The following POLD3 variants were observed in gnomAD, a reference collection of about 807,000 sequenced individuals.
POLD3 encodes DNA polymerase delta 3, accessory subunit.
In POLD3, 19 loss-of-function variants were observed where a neutral mutation model predicts 58.2. That is an observed-to-expected ratio of 0.33 (90% CI 0.23 to 0.48). POLD3 has a LOEUF of 0.48. Among genes scored for constraint, POLD3 ranks in the 20% least tolerant of loss-of-function variants. The pLI, the probability that POLD3 is intolerant of heterozygous loss-of-function variation, is 0.99. For synonymous variants in POLD3, 172 were observed against 193.5 expected, an observed-to-expected ratio of 0.89 and a Z score of 0.92; for missense variants, 504 against 545.5, an observed-to-expected ratio of 0.92 and a Z score of 0.76.
chr11:74,618,032 T>C (rs2032133634), intron 5 of POLD3, among the ~76,000 whole-genome samples: 1 of 152,234 alleles, frequency 6.6e-6, no homozygotes, highest in Admixed American at 6.5e-5. Flanking sequence ...CAGCATGATT[T>C]ACTCTGGCCA....
chr11:74,593,079 C>T, intron 1 of POLD3: 2 of 1,051,246 alleles, frequency 1.9e-6, no homozygotes, highest in Non-Finnish European at 2.3e-6. Context: ...TTGAGGAAAT[C>T]GTGTCTTAAC....
chr11:74,657,476 AT>A (rs1318920597), intron 4 of POLD3, among the ~76,000 whole-genome samples: 5 of 150,718 alleles, frequency 3.3e-5, no homozygotes, highest in African/African-American at 1.2e-4. Context: ...ATACTATCTT[AT>A]GACTCATTAT....
At chr11:74,652,407 A>G (rs1466241724) in intron 4 of POLD3, among the ~76,000 whole-genome samples, 1 of 152,246 alleles carries the variant, frequency 6.6e-6, no homozygotes, top group Non-Finnish European at 1.5e-5. Flanking sequence ...GTTGCGTATC[A>G]TCATCAGTAT....
chr11:74,631,564 A>T (rs1223955435), intron 9 of POLD3, among the ~76,000 whole-genome samples: 1 of 143,822 alleles, frequency 7.0e-6, no homozygotes. Flanking sequence ...GGCTCACTGC[A>T]ACCTCCGTCT....
At chr11:74,656,593 A>C (rs1246479252) in intron 4 of POLD3, among the ~76,000 whole-genome samples, 1 of 152,038 alleles carries the variant, frequency 6.6e-6, no homozygotes, top group Non-Finnish European at 1.5e-5. Context: ...TCTCAAAAAA[A>C]AAAATTCTTC....
intron 2 of POLD3, chr11:74,604,473 C>T (rs546876610): frequency 2.0e-6 from 1 of 490,974 alleles, no homozygotes; most frequent in South Asian, 2.6e-5. Context: ...ATGTACTGAT[C>T]ACTGTGCCAG....
At chr11:74,627,655 T>A (rs539024489) in intron 8 of POLD3, among the ~76,000 whole-genome samples, 6 of 152,152 alleles carry the variant, frequency 3.9e-5, no homozygotes, top group Non-Finnish European at 8.8e-5. Flanking sequence ...CCATTTTTAA[T>A]CTTTTTTATA....
intron 5 of POLD3, among the ~76,000 whole-genome samples, chr11:74,617,785 C>T (rs1401030938): frequency 6.6e-6 from 1 of 152,196 alleles, no homozygotes; most frequent in Non-Finnish European, 1.5e-5. Context: ...GTGATGAGCT[C>T]ATGGCTCACT....
chr11:74,651,954 T>C (rs970370390), intron 4 of POLD3, among the ~76,000 whole-genome samples: 4 of 152,150 alleles, frequency 2.6e-5, no homozygotes, highest in African/African-American at 7.2e-5. Flanking sequence ...CAGAGGTAGA[T>C]AGAGCAGATA....
intron 3 of POLD3, among the ~76,000 whole-genome samples, chr11:74,606,114 A>T (rs897830520): frequency 1.3e-5 from 2 of 152,208 alleles, no homozygotes; most frequent in Admixed American, 6.5e-5. Context: ...AGGAGCAACA[A>T]AACTGCTAGA....
At chr11:74,612,773 C>A in intron 4 of POLD3, 105 bp from the exon 5 acceptor site, 4 of 952,196 alleles carry the variant, frequency 4.2e-6, no homozygotes, top group Non-Finnish European at 6.2e-6. Context: ...GTTTTTTGGA[C>A]CACCACAGAT....
chr11:74,609,672 C>T (rs1248897402), intron 3 of POLD3, among the ~76,000 whole-genome samples: 2 of 151,960 alleles, frequency 1.3e-5, no homozygotes, highest in East Asian at 1.9e-4. Context: ...TGAGCCACTG[C>T]GCCTGGCCTG....
downstream of POLD3, among the ~76,000 whole-genome samples, chr11:74,647,925 T>A (rs1297797682): frequency 2.0e-5 from 3 of 152,126 alleles, no homozygotes; most frequent in African/African-American, 7.2e-5. Flanking sequence ...GGGCTCAAAT[T>A]TTTGCTAGAT....
intron 5 of POLD3, 79 bp from the exon 6 acceptor site, chr11:74,618,458 G>T (rs1391811775): frequency 2.1e-5 from 19 of 920,264 alleles, no homozygotes; most frequent in Non-Finnish European, 2.6e-5. Context: ...ACTGACATTA[G>T]TTTTTTTTTT....
At chr11:74,597,291 A>G (rs1338187118) in intron 2 of POLD3, among the ~76,000 whole-genome samples, 1 of 152,174 alleles carries the variant, frequency 6.6e-6, no homozygotes, top group Non-Finnish European at 1.5e-5. Context: ...CTGACATAAT[A>G]TCTAAGAAGG....
chr11:74,665,561 C>T (rs564869885), intron 4 of POLD3, among the ~76,000 whole-genome samples: 51 of 151,936 alleles, frequency 3.4e-4, no homozygotes, highest in Admixed American at 2.9e-3. Flanking sequence ...CTACCACACC[C>T]GGCTAATTTT....
intron 7 of POLD3, among the ~76,000 whole-genome samples, chr11:74,623,299 T>G (rs11236175): frequency 0.4 from 59,838 of 151,484 alleles, 12,777 homozygotes; most frequent in African/African-American, 0.56. Context: ...GCTGGGCCTG[T>G]TGGTGGGCGC....
rs981964421 is a variant in POLD3, at chr11:74,629,452, C to T, written c.1006+129C>T. On this transcript the variant is annotated intron_variant, in intron 9 of 11. Coordinates refer to ENST00000263681, the MANE Select transcript of POLD3 (RefSeq NM_006591.3). The stretch of plus-strand genomic sequence containing the variant: ...CTAGCATTAAGAGACACCATAGCAC[C>T]TCTTTCTGTTTGAAATCTGCATTAG... 17 of 533,024 alleles carry T rather than the reference C, an allele frequency of 3.2e-5. No individual in the cohort carries two copies. In the African/African-American group the frequency reaches 3.4e-4, roughly 11 times the overall value. The allele number at this position is 533,024 out of a possible 1,614,324, so 33.0% of individuals were successfully genotyped here.
intron 1 of POLD3, 104 bp from the exon 2 acceptor site, chr11:74,593,957 G>A (rs1200672186): frequency 4.5e-6 from 3 of 674,018 alleles, no homozygotes; most frequent in Non-Finnish European, 5.4e-6. Context: ...AATTTGTAAG[G>A]CATAATCATC....
Sources: allele counts gnomAD v4.1 joint callset (sites outside exome capture counted in the v4.1 genomes callset), GRCh38; gene constraint gnomAD v4.1.1; transcripts MANE v1.5; gene names NCBI Gene and HGNC (gene_info 2026-07-23, HGNC 2026-07-21).